CCN6: variants seen among roughly 807,000 people sequenced by gnomAD.
CCN6 encodes CCN family member 6.
In CCN6, 31 loss-of-function variants were observed where a neutral mutation model predicts 37.4. That is an observed-to-expected ratio of 0.83 (90% CI 0.62 to 1.12). The LOEUF (loss-of-function observed/expected upper bound fraction) is 1.12, where lower values mean the gene tolerates loss of function less well. Ranked by LOEUF, CCN6 falls within the 50% of genes most tolerant of loss-of-function variation. The pLI is 0.00. For synonymous variants in CCN6, 137 were observed against 142.1 expected (o/e 0.96, Z 0.26); for missense variants, 369 against 413.8 (o/e 0.89, Z 0.94).
intron 1 of CCN6, among the ~76,000 whole-genome samples, chr6:112,060,423 G>A (rs1161850639): frequency 6.6e-6 from 1 of 152,164 alleles, no homozygotes; most frequent in Non-Finnish European, 1.5e-5. Flanking sequence ...GGAATTAGAT[G>A]TAAAATATGA....
At chr6:112,060,193 A>C in intron 1 of CCN6, 2 of 1,278,242 alleles carry the variant, frequency 1.6e-6, no homozygotes, top group Non-Finnish European at 2.1e-6. Context: ...GCCATGAGGA[A>C]GTCACTCCAT....
chr6:112,061,006 C>T lies in CCN6; in HGVS notation c.64C>T (p.Gln22Ter). 2 of 1,614,098 alleles carry T rather than the reference C, an allele frequency of 1.2e-6. No homozygotes were observed. The highest frequency in any genetic ancestry group is 1.1e-5 in the South Asian group (1 of 91,080). ...TCAAATGAAGTTCTGCTGCAGGGTA[C>T]AGGGCACTGGACCATTAGATACAAC... is the stretch of plus-strand genomic sequence containing the variant. ...AGLAQFCCRV[Q>*]GTGPLDTTPE... Residue 22 changes from glutamine to a stop codon, truncating the protein, a stop_gained, in exon 2 of 5, where the codon CAG (glutamine) becomes TAG (stop). Coordinates refer to ENST00000368666, the MANE Select transcript of CCN6 (RefSeq NM_198239.2). LOFTEE classifies it high-confidence loss of function.
Position 112,064,996 on chromosome 6 carries a change from A to G in CCN6, c.588A>G (p.Pro196=). Residue 196 remains proline, a splice_region_variant and synonymous_variant, in exon 3 of 5, where the codon CCA becomes CCG. Coordinates refer to ENST00000368666, the MANE Select transcript of CCN6 (RefSeq NM_198239.2). ...TTTCAACAAGCTACAAAACAATGCC[A>G]GGTGCTCAGAAGTAGAGCTATTTTT... The part of the protein sequence containing the change: ...QQLSTSYKTM[P]AYRNLPLIWK... 1.9e-6 allele frequency: 3 copies of G among 1,614,006 alleles called. No homozygotes were observed. Among genetic ancestry groups the G allele is most frequent in the Non-Finnish European group, 2.5e-6 (3 of 1,179,900 alleles).
chr6:112,065,612 A>ACACACACACAAACACACACG (rs71021869), intron 3 of CCN6, among the ~76,000 whole-genome samples: 86 of 133,394 alleles, frequency 6.4e-4, no homozygotes, highest in Non-Finnish European at 1.1e-3. Flanking sequence ...ACACACACGC[A>ACACACACACAAACACACACG]CACACACACG....
rs1776627075 is a variant in CCN6, at chr6:112,064,752, C to T, written c.347-3C>T. On this transcript the variant is annotated splice_region_variant and splice_polypyrimidine_tract_variant and intron_variant, in intron 2 of 4. Transcript: ENST00000368666. ...TGGCAATTTTGCTCTTTTCTCTTTT[C>T]AGACCTTGTAGCTGTTGGGTGCGAG... 2 of 1,613,836 alleles carry T rather than the reference C, an allele frequency of 1.2e-6. No homozygotes were observed. The highest frequency in any genetic ancestry group is 1.1e-5 in the South Asian group (1 of 91,080).
intron 1 of CCN6, among the ~76,000 whole-genome samples, chr6:112,056,052 A>G (rs975537598): frequency 2.0e-5 from 3 of 152,194 alleles, no homozygotes; most frequent in African/African-American, 7.2e-5. Context: ...TTTCTATTGC[A>G]CCATTCTAGT....
chr6:112,062,458 C>T (rs149921479), intron 2 of CCN6, among the ~76,000 whole-genome samples: 9 of 152,228 alleles, frequency 5.9e-5, no homozygotes, highest in Non-Finnish European at 1.2e-4. Context: ...ACTGAGGACA[C>T]GACAGGAAAA....
chr6:112,054,520 G>C, intron 1 of CCN6, 115 bp downstream of exon 1: 1 of 979,150 alleles, frequency 1.0e-6, no homozygotes, highest in Non-Finnish European at 1.6e-6. Flanking sequence ...ATGGCTTGTG[G>C]AACTACTTCA....
chr6:112,066,388 C>T (rs375551654), intron 3 of CCN6, among the ~76,000 whole-genome samples: 1 of 152,216 alleles, frequency 6.6e-6, no homozygotes, highest in South Asian at 2.1e-4. Context: ...AGCAGTTTTC[C>T]ACAAGTGAAG....
chr6:112,061,489 T>G, intron 2 of CCN6: 3 of 647,622 alleles, frequency 4.6e-6, no homozygotes, highest in Non-Finnish European at 8.1e-6. Context: ...AGAAGCCCAT[T>G]ATTTTCATTG....
chr6:112,068,337 GAA>G lies in CCN6; in HGVS notation c.725_726del (p.Lys242ArgfsTer36). 6.2e-7 allele frequency: 1 copy of G among 1,613,160 alleles called. No homozygotes were observed. The highest frequency in any genetic ancestry group is 8.5e-7 in the Non-Finnish European group (1 of 1,179,480). ...AATGAAAACAGCAACTGTGAAATGA[GAA>G]AAGAGAAAAGACTGTGTTACATTCA... On this transcript the variant is annotated frameshift_variant, in exon 4 of 5. Coordinates refer to ENST00000368666, the MANE Select transcript of CCN6 (RefSeq NM_198239.2). LOFTEE classifies it high-confidence loss of function.
rs587732765 is a variant in CCN6 at position 112,054,335 on chromosome 6, G to T, written c.-23G>T. ...AAGCGGCGACTTCTCTACCCCTCAG[G>T]GTGGCTCCACGGTCCCAGCGACATG... On this transcript the variant is annotated 5_prime_UTR_variant, in exon 1 of 5. Transcript: ENST00000368666. 6.2e-7 allele frequency: 1 copy of T among 1,613,898 alleles called. No individual in the cohort carries two copies. Among genetic ancestry groups the T allele is most frequent in the East Asian group, 2.2e-5 (1 of 44,832 alleles).
intron 2 of CCN6, among the ~76,000 whole-genome samples, chr6:112,061,706 A>G (rs1345140548): frequency 1.3e-5 from 2 of 152,220 alleles, no homozygotes; most frequent in African/African-American, 4.8e-5. Context: ...CAGACATACA[A>G]CTTTAACCTC....
chr6:112,067,082 G>T, intron 3 of CCN6: 1 of 1,306,034 alleles, frequency 7.7e-7, no homozygotes, highest in Non-Finnish European at 1.0e-6. Flanking sequence ...GCAATTGCAA[G>T]AGACTCTACT....
upstream of CCN6, among the ~76,000 whole-genome samples, chr6:112,053,238 C>T (rs972235556): frequency 6.6e-6 from 1 of 151,940 alleles, no homozygotes; most frequent in African/African-American, 2.4e-5. Flanking sequence ...GGTGGTCACA[C>T]CTTTCAGGGA....
rs1776633426 is a variant in CCN6, at chr6:112,064,908, G to C, written c.500G>C (p.Gly167Ala). Residue 167 changes from glycine (G) to alanine (A), a missense_variant, in exon 3 of 5, where the codon GGA (glycine) becomes GCA (alanine). Transcript: ENST00000368666. ...AAGCTGGCTGGCAGTCACTGCTCTG[G>C]AGCTAAAGGTGGAAAGAAGTCTGAT... ...IPKLAGSHCS[G>A]AKGGKKSDQS... 6.2e-7 allele frequency: 1 copy of C among 1,614,100 alleles called. No individual in the cohort carries two copies.
Position 112,054,224 on chromosome 6 carries a change from G to A in CCN6, c.-134G>A. 8.4e-7 allele frequency: 1 copy of A among 1,185,692 alleles called. No homozygotes were observed. The highest frequency in any genetic ancestry group is 1.5e-5 in the African/African-American group (1 of 66,726). 73.4% of individuals were successfully genotyped at this position (1,185,692 alleles called of 1,614,324 possible). On this transcript the variant is annotated 5_prime_UTR_variant, in exon 1 of 5. Transcript: ENST00000368666. ...GTGCAGGCTGAAAGTTGGTAGTGTG[G>A]GAGGTAGAGGGTGTGTGTTCTTGTG...
At chr6:112,068,112 C>T (rs1170618121) in intron 3 of CCN6, 93 bp from the exon 4 acceptor site, 1 of 1,080,394 alleles carries the variant, frequency 9.3e-7, no homozygotes, top group Non-Finnish European at 1.3e-6. Flanking sequence ...CAAAAATACT[C>T]AGATTTCTTA....
chr6:112,064,130 C>T (rs1280974291), intron 2 of CCN6, among the ~76,000 whole-genome samples: 1 of 152,140 alleles, frequency 6.6e-6, no homozygotes, highest in Middle Eastern at 3.2e-3. Context: ...GCTTTTGTAG[C>T]ACCGGTGCAA....
Sources: gnomAD v4.1 joint callset for allele counts (sites outside exome capture counted in the v4.1 genomes callset) on GRCh38, gnomAD v4.1.1 for gene constraint, MANE v1.5 for transcripts, NCBI Gene and HGNC (gene_info 2026-07-23, HGNC 2026-07-21) for gene names.